CLIC5: variants seen among roughly 807,000 people sequenced by gnomAD.
CLIC5 encodes the protein chloride intracellular channel protein 5.
Under a neutral mutation model 24.7 loss-of-function variants are expected in CLIC5, and 20 were observed. The ratio of observed to expected loss-of-function variants is 0.81; its 90% confidence interval spans 0.57 to 1.18. The LOEUF (loss-of-function observed/expected upper bound fraction) is 1.18, where lower values mean the gene tolerates loss of function less well. Among genes scored for constraint, CLIC5 ranks in the 50% most tolerant of loss-of-function variants. CLIC5 has a pLI of 0.00. For missense variants in CLIC5, 341 were observed against 326.1 expected (o/e 1.05, Z -0.35); for synonymous variants, 159 against 135.6 (o/e 1.17, Z -1.20).
chr6:45,959,921 C>T (rs912770880), intron 1 of CLIC5, among the ~76,000 whole-genome samples: 1 of 151,594 alleles, frequency 6.6e-6, no homozygotes, highest in Non-Finnish European at 1.5e-5. Flanking sequence ...ATAATTGAGG[C>T]TATTTTTTTT....
intron 1 of CLIC5, among the ~76,000 whole-genome samples, chr6:45,960,920 TC>T (rs1764824065): frequency 6.6e-6 from 1 of 152,192 alleles, no homozygotes; most frequent in Admixed American, 6.5e-5. Flanking sequence ...CTGGCTCCTC[TC>T]CCTCAGCCCT....
downstream of CLIC5, among the ~76,000 whole-genome samples, chr6:45,895,015 G>A (rs1423416399): frequency 2.0e-5 from 3 of 151,336 alleles, no homozygotes; most frequent in Non-Finnish European, 4.4e-5. Flanking sequence ...TTCTCTTTTT[G>A]TTAAAAAAAA....
chr6:46,039,352 C>A lies in CLIC5; in HGVS notation c.540+40351G>T, dbSNP rs561035928. On this transcript the variant is annotated intron_variant, in intron 1 of 5. Coordinates refer to the CLIC5 transcript ENST00000185206. Reference sequence around the variant, plus strand: ...AGATGGGTGGAGACAATAGATATTTCCAAAGTAAATTTAGACCATAATAAG... The same window carrying A: ...AGATGGGTGGAGACAATAGATATTTACAAAGTAAATTTAGACCATAATAAG... Among the ~76,000 whole-genome samples, 4 of 151,022 alleles carry A rather than the reference C, an allele frequency of 2.6e-5. No homozygotes were observed. In the South Asian group the frequency reaches 8.4e-4, roughly 32 times the overall value.
chr6:45,991,964 G>T (rs1408338696), intron 1 of CLIC5, among the ~76,000 whole-genome samples: 1 of 151,984 alleles, frequency 6.6e-6, no homozygotes, highest in Non-Finnish European at 1.5e-5. Context: ...AAGACTTTAG[G>T]GGCACTCGAA....
At chr6:45,896,680 T>C (rs946885785), downstream of CLIC5, among the ~76,000 whole-genome samples, 1 of 152,214 alleles carries the variant, frequency 6.6e-6, no homozygotes, top group African/African-American at 2.4e-5. Flanking sequence ...GTCACTTCTC[T>C]GGAAGCTTCT....
At chr6:45,890,557 ACT>A (rs762341109) in intron 6 of CLIC5, among the ~76,000 whole-genome samples, 11 of 152,222 alleles carry the variant, frequency 7.2e-5, no homozygotes, top group Non-Finnish European at 1.5e-4. Flanking sequence ...TAATCCCACT[ACT>A]GTGTATATAC....
At chr6:45,998,512 CT>C (rs2127430741) in intron 1 of CLIC5, among the ~76,000 whole-genome samples, 1 of 152,316 alleles carries the variant, frequency 6.6e-6, no homozygotes, top group African/African-American at 2.4e-5. Context: ...CCACAAAAAC[CT>C]TTCTATGGAC....
At chr6:45,950,631 G>T (rs1764440579) in intron 2 of CLIC5, among the ~76,000 whole-genome samples, 2 of 152,160 alleles carry the variant, frequency 1.3e-5, no homozygotes, top group Admixed American at 1.3e-4. Flanking sequence ...GATTTTAGCT[G>T]CAAAAGTAGA....
chr6:45,948,492 A>ACTACAGGATAATACC (rs1296808084), intron 3 of CLIC5, among the ~76,000 whole-genome samples: 1 of 152,194 alleles, frequency 6.6e-6, no homozygotes, highest in African/African-American at 2.4e-5. Context: ...CACAGGACTC[A>ACTACAGGATAATACC]CTACAGGATA....
rs149423215 is a variant in CLIC5, at chr6:45,951,033, A to G, written c.174-1652T>C. Among the ~76,000 whole-genome samples the G allele has an allele frequency of 5.4e-3, 824 of 152,324 alleles. 37 individuals carry two copies. The highest frequency in any genetic ancestry group is 0.046 in the Admixed American group (708 of 15,294). On this transcript the variant is annotated intron_variant, in intron 2 of 5. Transcript: ENST00000339561. The stretch of plus-strand genomic sequence containing the variant: ...AACTTCTGCTTTGTGATGGGATTCA[A>G]ATAGATCACTTGATTTATGAAAGTT...
chr6:46,055,075 A>G (rs1768208880), intron 1 of CLIC5, among the ~76,000 whole-genome samples: 1 of 152,100 alleles, frequency 6.6e-6, no homozygotes, highest in Non-Finnish European at 1.5e-5. Flanking sequence ...TAAATTCCCG[A>G]AGAACATTGT....
chr6:46,123,691 C>A, the CLIC5 span, among the ~76,000 whole-genome samples: 3 of 152,122 alleles, frequency 2.0e-5, no homozygotes, highest in South Asian at 6.2e-4. Context: ...ACCCCATTGT[C>A]TCAGCCCAAA....
At chr6:45,916,802 T>C (rs61628722) in intron 4 of CLIC5, among the ~76,000 whole-genome samples, 4,744 of 152,276 alleles carry the variant, frequency 0.031, 214 homozygotes, top group African/African-American at 0.11. Context: ...GTTGCAACTG[T>C]GACATTCCAT....
Position 45,903,719 on chromosome 6 carries a change from T to C in CLIC5, c.589-464A>G, listed in dbSNP as rs181130455. 3.9e-5 allele frequency among the ~76,000 whole-genome samples: 6 copies of C among 152,362 alleles called. No homozygotes were observed. In the East Asian group the frequency reaches 1.2e-3, roughly 29 times the overall value. ...ACTCTCCAAGATAGACTATTACATT[T>C]AAAGTTCAAGTATAATGCATTTGGA... On this transcript the variant is annotated intron_variant, in intron 5 of 5. Transcript: ENST00000339561.
chr6:45,997,055 A>G (rs1234966350), intron 1 of CLIC5, among the ~76,000 whole-genome samples: 5 of 152,102 alleles, frequency 3.3e-5, no homozygotes, highest in African/African-American at 9.7e-5. Flanking sequence ...ACATGCACAC[A>G]TATGTTTATT....
At chr6:45,912,506 A>T in intron 5 of CLIC5, 3 of 1,351,478 alleles carry the variant, frequency 2.2e-6, no homozygotes, top group Non-Finnish European at 2.9e-6. Context: ...AGAAAAGGAA[A>T]GAAGGAGGGA....
At chr6:45,981,212 A>G (rs1279728059) in intron 1 of CLIC5, among the ~76,000 whole-genome samples, 1 of 151,740 alleles carries the variant, frequency 6.6e-6, no homozygotes, top group African/African-American at 2.4e-5. Flanking sequence ...CAAGCAATCC[A>G]CCCACCTCAG....
chr6:45,942,432 G>A (rs1764166129), intron 3 of CLIC5, among the ~76,000 whole-genome samples: 1 of 152,008 alleles, frequency 6.6e-6, no homozygotes, highest in South Asian at 2.1e-4. Context: ...CCAGGGCTTG[G>A]ACTCATTAGC....
chr6:45,918,289 G>A lies in CLIC5; in HGVS notation c.407-3880C>T, dbSNP rs565919954. Among the ~76,000 whole-genome samples the A allele has an allele frequency of 9.2e-5, 14 of 152,198 alleles. 1 individual carries two copies. In the South Asian group the frequency reaches 1.5e-3, roughly 16 times the overall value. ...TAAGACCCAATATTGTTTTCTCGTC[G>A]TAGAGAAATAATGACTTGGAAACAG... On this transcript the variant is annotated intron_variant, in intron 4 of 5. Coordinates refer to ENST00000339561, the MANE Select transcript of CLIC5 (RefSeq NM_016929.5).
Sources: gnomAD v4.1 joint callset for allele counts (sites outside exome capture counted in the v4.1 genomes callset) on GRCh38, gnomAD v4.1.1 for gene constraint, MANE v1.5 for transcripts, NCBI Gene and HGNC (gene_info 2026-07-23, HGNC 2026-07-21) for gene names.